The following NSD2 variants were observed in gnomAD, a reference collection of about 807,000 sequenced individuals.
The protein encoded by NSD2 is histone-lysine N-methyltransferase NSD2.
A neutral mutation model predicts 139.0 loss-of-function variants in NSD2; 12 were observed. The ratio of observed to expected loss-of-function variants is 0.09; its 90% CI spans 0.06 to 0.14. The LOEUF (loss-of-function observed/expected upper bound fraction) is 0.14, where lower values mean the gene tolerates loss of function less well. NSD2 is among the 10% of genes least tolerant of loss of function. The probability of loss-of-function intolerance (pLI) is 1.00; values close to 1 mark genes in which losing one functional copy is unlikely to be tolerated. For missense variants in NSD2, 1,155 were observed against 1,745.0 expected, an observed-to-expected ratio of 0.66 and a Z score of 6.02; for synonymous variants, 669 against 648.7, an observed-to-expected ratio of 1.03 and a Z score of -0.48.
chr4:1,912,109 A>C (rs1026997543), intron 3 of NSD2: 1 of 406,064 alleles, frequency 2.5e-6, no homozygotes, highest in Admixed American at 3.1e-5. Flanking sequence ...AAATCAAAGA[A>C]GTTTGAACAC....
intron 5 of NSD2, among the ~76,000 whole-genome samples, chr4:1,924,814 T>C (rs1157207555): frequency 2.0e-5 from 3 of 151,810 alleles, no homozygotes; most frequent in Non-Finnish European, 4.4e-5. Flanking sequence ...GTAGTCTTAG[T>C]TACTCAGGAA....
chr4:1,957,368 C>T (rs1261796347), intron 15 of NSD2, among the ~76,000 whole-genome samples: 4 of 150,708 alleles, frequency 2.7e-5, no homozygotes, highest in Non-Finnish European at 3.0e-5. Context: ...ACTGCAACCT[C>T]CACCTCCTGG....
chr4:1,926,628 A>T (rs1720951396), intron 5 of NSD2, among the ~76,000 whole-genome samples: 1 of 149,800 alleles, frequency 6.7e-6, no homozygotes, highest in Non-Finnish European at 1.5e-5. Context: ...ACGCCACCAC[A>T]CCCAGCTAAT....
At position 1,935,210 on chromosome 4, in the gene NSD2, C is replaced by T. The variant is rs1405664178; in HGVS notation, c.1622C>T (p.Ala541Val). The change falls in exon 7 of 22, where the codon GCT becomes GTT. Residue 541 changes from alanine to valine, a missense_variant. Transcript: ENST00000508803. The part of the protein sequence containing the change: ...RIQDPTEDAE[A>V]EDTPRKRLRT... ...CAGGACCCTACAGAAGATGCTGAAG[C>T]TGAGGACACACCCAGGAAAAGACTC... 2.5e-6 allele frequency: 4 copies of T among 1,613,604 alleles called. No homozygotes were observed. Among genetic ancestry groups the T allele is most frequent in the Non-Finnish European group, 3.4e-6 (4 of 1,179,750 alleles).
chr4:1,949,534 G>A (rs564527822), intron 9 of NSD2, among the ~76,000 whole-genome samples: 3 of 152,120 alleles, frequency 2.0e-5, no homozygotes, highest in East Asian at 1.9e-4. Flanking sequence ...AGGCCAAGGC[G>A]GGTGGATCAC....
At position 1,980,475 on chromosome 4, in the gene NSD2, C is replaced by A. The variant is rs553558818; in HGVS notation, c.*1566C>A. On this transcript the variant is annotated 3_prime_UTR_variant, in exon 22 of 22. Coordinates refer to ENST00000508803, the MANE Select transcript of NSD2 (RefSeq NM_001042424.3). ...TCTTGCAGAGAAGTTTACAGAACTC[C>A]CCTTGAAAACTGCTGCTGAGGCTCC... is the stretch of plus-strand genomic sequence containing the variant. 5.1e-5 allele frequency: 12 copies of A among 233,128 alleles called. No individual in the cohort carries two copies. Among genetic ancestry groups the A allele is most frequent in the African/African-American group, 2.2e-4 (10 of 45,432 alleles). The allele number at this position is 233,128 out of a possible 1,614,324, so 14.4% of individuals were successfully genotyped here.
At chr4:1,898,946 T>G (rs1273708013) in intron 1 of NSD2, among the ~76,000 whole-genome samples, 1 of 152,178 alleles carries the variant, frequency 6.6e-6, no homozygotes, top group Non-Finnish European at 1.5e-5. Context: ...CCGTCCATTT[T>G]CTCTCTGCTT....
intron 1 of NSD2, among the ~76,000 whole-genome samples, chr4:1,873,618 T>G (rs60574846): frequency 0.036 from 5,522 of 152,270 alleles, 342 homozygotes; most frequent in African/African-American, 0.13. Context: ...CTTACATGGG[T>G]ACAGCCTTCT....
chr4:1,932,118 C>T (rs908918447), intron 6 of NSD2, among the ~76,000 whole-genome samples: 2 of 151,256 alleles, frequency 1.3e-5, no homozygotes, highest in Admixed American at 6.6e-5. Flanking sequence ...ATCATTGTCA[C>T]GCGCCCATGA....
In NSD2 at chr4:1,917,775, ATTC is replaced by A. The variant is rs1194721968; in HGVS notation, c.928-363_928-361del. 4.4e-3 allele frequency among the ~76,000 whole-genome samples: 618 copies of A among 139,306 alleles called. 3 individuals carry two copies. The highest frequency in any genetic ancestry group is 7.2e-3 in the Non-Finnish European group (460 of 63,774). The allele number at this position is 139,306 out of a possible 152,430, so 91.4% of individuals were successfully genotyped here. On this transcript the variant is annotated intron_variant, in intron 4 of 21. Coordinates refer to ENST00000508803, the MANE Select transcript of NSD2 (RefSeq NM_001042424.3). ...TAAAATTATGTGAAAATGTAAAAGTATTCTTTTTTTTTTTTTTTTTTTTGAGAC... is the reference window on the plus strand; with the variant it reads ...TAAAATTATGTGAAAATGTAAAAGTATTTTTTTTTTTTTTTTTTTTGAGAC...
chr4:1,980,744 G>A lies in NSD2; in HGVS notation c.*1835G>A, dbSNP rs550484886. ...GGACCCAGGGGAAACGAGCTGTGTA[G>A]CCACTGACTTGCTCGCGCGGCCGTG... is the stretch of plus-strand genomic sequence containing the variant. On this transcript the variant is annotated 3_prime_UTR_variant, in exon 22 of 22. Coordinates refer to ENST00000508803, the MANE Select transcript of NSD2 (RefSeq NM_001042424.3). The A allele has an allele frequency of 1.7e-5, 4 of 233,248 alleles. No individual in the cohort carries two copies. The South Asian group carries it at 7.2e-4, about 42-fold the overall frequency. 14.4% of individuals were successfully genotyped at this position (233,248 alleles called of 1,614,324 possible).
chr4:1,951,005 CT>C, intron 9 of NSD2, 66 bp from the exon 10 acceptor site: 2 of 1,591,128 alleles, frequency 1.3e-6, no homozygotes, highest in Non-Finnish European at 8.6e-7. Context: ...ACGAGCCTGC[CT>C]GCAGGGCATG....
chr4:1,955,495 A>G lies in NSD2; in HGVS notation c.2518+155A>G. The G allele has an allele frequency of 8.1e-7, 1 of 1,239,982 alleles. No homozygotes were observed. 76.8% of individuals were successfully genotyped at this position (1,239,982 alleles called of 1,614,324 possible). On this transcript the variant is annotated intron_variant, in intron 13 of 21. Coordinates refer to ENST00000508803, the MANE Select transcript of NSD2 (RefSeq NM_001042424.3). The surrounding 1 kb of genome is among the most constrained non-coding windows in gnomAD (Gnocchi z 4.7). ...TAGTATATCACAGTAGCTCTAAATTAATTGTAATCATTTCGCAAACATACA... is the reference window on the plus strand; with the variant it reads ...TAGTATATCACAGTAGCTCTAAATTGATTGTAATCATTTCGCAAACATACA...
intron 5 of NSD2, among the ~76,000 whole-genome samples, chr4:1,925,329 T>A (rs1315493928): frequency 6.6e-6 from 1 of 151,772 alleles, no homozygotes; most frequent in Non-Finnish European, 1.5e-5. Context: ...GATGTAAGGC[T>A]GACTTCAGGA....
At chr4:1,872,595 A>AGAGAGAGAGAG (rs1553856427) in intron 1 of NSD2, among the ~76,000 whole-genome samples, 2 of 77,178 alleles carry the variant, frequency 2.6e-5, no homozygotes, top group East Asian at 9.9e-4. Flanking sequence ...TGTGTGTGAG[A>AGAGAGAGAGAG]GAGAGAGAGA....
In NSD2 at chr4:1,900,664, A is replaced by T; in HGVS notation, c.10A>T (p.Ser4Cys). 1 of 1,578,472 alleles carries T rather than the reference A, an allele frequency of 6.3e-7. No individual in the cohort carries two copies. Among genetic ancestry groups the T allele is most frequent in the Admixed American group, 1.9e-5 (1 of 53,938 alleles). ...GAAGCATCTGGGCTGGATGGAATTT[A>T]GCATCAAGCAGAGTCCCCTTTCTGT... is the stretch of plus-strand genomic sequence containing the variant. MEF[S>C]IKQSPLSVQS... Residue 4 changes from serine (S) to cysteine (C), a missense_variant, in exon 2 of 22, where the codon AGC (serine) becomes TGC (cysteine). Ser to Cys is a moderately radical substitution (Grantham distance 112, BLOSUM62 -1). Coordinates refer to ENST00000508803, the MANE Select transcript of NSD2 (RefSeq NM_001042424.3).
intron 1 of NSD2, among the ~76,000 whole-genome samples, chr4:1,895,776 G>C (rs1716201540): frequency 1.3e-5 from 2 of 152,214 alleles, no homozygotes; most frequent in Non-Finnish European, 2.9e-5. Flanking sequence ...TTCTAGACCT[G>C]TTTTGACATT....
chr4:1,878,846 G>A (rs188837738), intron 1 of NSD2, among the ~76,000 whole-genome samples: 1 of 152,326 alleles, frequency 6.6e-6, no homozygotes, highest in East Asian at 1.9e-4. Flanking sequence ...GGCTGGGAAG[G>A]TGTGGACAGG....
rs984092756 is a variant in NSD2, at chr4:1,976,339, A to G, written c.3622-136A>G. 4 of 848,332 alleles carry G rather than the reference A, an allele frequency of 4.7e-6. No homozygotes were observed. In the African/African-American group the frequency reaches 6.9e-5, roughly 15 times the overall value. 52.6% of individuals were successfully genotyped at this position (848,332 alleles called of 1,614,324 possible). A position where few individuals can be genotyped will look rare whatever the true frequency, so the allele number is the denominator to read the frequency against. On this transcript the variant is annotated intron_variant, in intron 20 of 21. Transcript: ENST00000508803. This position sits in a 1 kb window ranked among gnomAD's most constrained non-coding sequence, Gnocchi z 5.3. ...GATGTCTGGGGAGCACGAGGAGGAC[A>G]CTCCTCTCCTCTCCTCTTAGTGTTG...
Sources: gnomAD v4.1 joint callset for allele counts (sites outside exome capture counted in the v4.1 genomes callset) on GRCh38, gnomAD v4.1.1 for gene constraint, Gnocchi (gnomAD v3.1) non-coding constraint, MANE v1.5 for transcripts, NCBI Gene and HGNC (gene_info 2026-07-23, HGNC 2026-07-21) for gene names.